BEND6: variants seen among roughly 807,000 people sequenced by gnomAD.
The protein encoded by BEND6 is BEN domain containing 6.
Under a neutral mutation model 31.8 loss-of-function variants are expected in BEND6, and 24 were observed. The observed-to-expected ratio is 0.75, with a 90% confidence interval of 0.55 to 1.06. The LOEUF (loss-of-function observed/expected upper bound fraction) is 1.06, where lower values mean the gene tolerates loss of function less well. Among genes scored for constraint, BEND6 ranks in the 50% least tolerant of loss-of-function variants. The pLI, the probability that BEND6 is intolerant of heterozygous loss-of-function variation, is 0.00. For synonymous variants in BEND6, 109 were observed against 114.6 expected, an observed-to-expected ratio of 0.95 and a Z score of 0.31; for missense variants, 294 against 327.4, an observed-to-expected ratio of 0.90 and a Z score of 0.79.
At chr6:56,994,183 G>A (rs1826613079) in intron 3 of BEND6, among the ~76,000 whole-genome samples, 1 of 151,902 alleles carries the variant, frequency 6.6e-6, no homozygotes, top group African/African-American at 2.4e-5. Context: ...ATCTTGGCCG[G>A]GCGCAGTGGC....
chr6:57,024,821 C>T (rs143772986), intron 6 of BEND6, among the ~76,000 whole-genome samples: 1,670 of 152,174 alleles, frequency 0.011, 18 homozygotes, highest in Non-Finnish European at 0.018. Context: ...TGTGTGATTC[C>T]CTCTTGAATA....
chr6:56,998,390 CTA>C (rs1338309765), intron 3 of BEND6, among the ~76,000 whole-genome samples: 1 of 151,930 alleles, frequency 6.6e-6, no homozygotes, highest in South Asian at 2.1e-4. Flanking sequence ...CGTGTGTGTG[CTA>C]TGTGTGTGTG....
At chr6:57,008,943 T>C (rs1444407048) in intron 3 of BEND6, 1 of 152,208 alleles carries the variant, frequency 6.6e-6, no homozygotes, top group African/African-American at 2.4e-5. Flanking sequence ...CAATGGAATA[T>C]TATTCATCCA....
At chr6:56,992,073 G>T (rs528407250) in intron 2 of BEND6, among the ~76,000 whole-genome samples, 3 of 152,338 alleles carry the variant, frequency 2.0e-5, no homozygotes, top group Admixed American at 2.0e-4. Context: ...GACCAGATTT[G>T]AATGGTGGTC....
At chr6:56,970,454 C>T (rs963802350) in intron 1 of BEND6, among the ~76,000 whole-genome samples, 2 of 152,128 alleles carry the variant, frequency 1.3e-5, no homozygotes, top group South Asian at 2.1e-4. Context: ...GGATTACAGG[C>T]GTGAACCACC....
At chr6:57,004,677 T>C in intron 3 of BEND6, 1 of 1,501,612 alleles carries the variant, frequency 6.7e-7, no homozygotes, top group South Asian at 1.1e-5. Context: ...AAAAAAAAAA[T>C]GTGAATCAGT....
chr6:56,968,729 A>G (rs904743955), intron 1 of BEND6, among the ~76,000 whole-genome samples: 2 of 151,982 alleles, frequency 1.3e-5, no homozygotes, highest in Non-Finnish European at 2.9e-5. Flanking sequence ...CATTTTTTTA[A>G]TCATGATATT....
intron 4 of BEND6, 134 bp downstream of exon 4, chr6:57,015,487 T>G (rs1159091179): frequency 6.4e-6 from 6 of 942,594 alleles, no homozygotes; most frequent in African/African-American, 5.0e-5. Context: ...AATATTACAA[T>G]TCTTAAGTAC....
At chr6:56,955,792 T>G (rs1824797144) in intron 1 of BEND6, among the ~76,000 whole-genome samples, 1 of 152,202 alleles carries the variant, frequency 6.6e-6, no homozygotes, top group African/African-American at 2.4e-5. Flanking sequence ...GTACTTGGCT[T>G]ATAAACATTT....
At chr6:56,967,103 C>T (rs547799541) in intron 1 of BEND6, among the ~76,000 whole-genome samples, 25 of 151,896 alleles carry the variant, frequency 1.6e-4, no homozygotes, top group African/African-American at 5.6e-4. Context: ...GTATTGGCAA[C>T]GGAAGGAATC....
intron 4 of BEND6, among the ~76,000 whole-genome samples, chr6:57,016,351 C>T (rs534622513): frequency 1.3e-5 from 2 of 152,230 alleles, no homozygotes; most frequent in African/African-American, 4.8e-5. Context: ...TTTCAAATGA[C>T]CCAAATTTAT....
chr6:56,987,087 C>T (rs755215828), intron 2 of BEND6, among the ~76,000 whole-genome samples: 1 of 150,878 alleles, frequency 6.6e-6, no homozygotes, highest in African/African-American at 2.4e-5. Flanking sequence ...AAACAATTCT[C>T]GTGCCTCAGC....
intron 6 of BEND6, among the ~76,000 whole-genome samples, chr6:57,023,664 G>A (rs1460700380): frequency 2.0e-5 from 3 of 152,164 alleles, no homozygotes; most frequent in African/African-American, 7.2e-5. Flanking sequence ...TCCAGGCAGT[G>A]GTGTGATCAT....
chr6:57,004,281 T>A (rs1171422851), intron 3 of BEND6, among the ~76,000 whole-genome samples: 1 of 152,218 alleles, frequency 6.6e-6, no homozygotes, highest in Non-Finnish European at 1.5e-5. Flanking sequence ...ACCTTGAAGA[T>A]TCTGCCAAAC....
intron 3 of BEND6, among the ~76,000 whole-genome samples, chr6:56,995,446 G>A (rs1414176226): frequency 4.6e-5 from 7 of 152,046 alleles, no homozygotes. Flanking sequence ...AGCTAGCTAG[G>A]GCTGCAGTGA....
intron 6 of BEND6, among the ~76,000 whole-genome samples, chr6:57,024,450 G>A (rs572357385): frequency 3.3e-5 from 5 of 151,672 alleles, no homozygotes; most frequent in Non-Finnish European, 5.9e-5. Flanking sequence ...CATATCCTTC[G>A]CATTTGAAAG....
At chr6:57,015,420 G>C (rs1462613617) in intron 4 of BEND6, 67 bp downstream of exon 4, 4 of 1,338,318 alleles carry the variant, frequency 3.0e-6, no homozygotes, top group Non-Finnish European at 4.2e-6. Context: ...AATAAGGGTG[G>C]AAAATGATCA....
At chr6:57,005,768 A>G (rs1006058951) in intron 3 of BEND6, among the ~76,000 whole-genome samples, 5 of 142,548 alleles carry the variant, frequency 3.5e-5, no homozygotes, top group African/African-American at 1.2e-4. Flanking sequence ...TGTAATCCCA[A>G]TTAAAATACC....
intron 6 of BEND6, among the ~76,000 whole-genome samples, chr6:57,025,448 C>A (rs1364032843): frequency 6.6e-6 from 1 of 152,198 alleles, no homozygotes; most frequent in Non-Finnish European, 1.5e-5. Context: ...GTGCCTTAAG[C>A]CCAAGTTTGC....
Sources: allele counts gnomAD v4.1 joint callset (sites outside exome capture counted in the v4.1 genomes callset), GRCh38; gene constraint gnomAD v4.1.1; transcripts MANE v1.5; gene names NCBI Gene and HGNC (gene_info 2026-07-23, HGNC 2026-07-21).